The following ITPR1 variants were observed in gnomAD, a reference collection of about 807,000 sequenced individuals.
ITPR1 encodes the protein inositol 1,4,5-trisphosphate receptor type 1.
Under a neutral mutation model 318.4 loss-of-function variants are expected in ITPR1, and 96 were observed. The observed-to-expected ratio is 0.30, with a 90% CI of 0.26 to 0.36. ITPR1 has a LOEUF of 0.36. Among genes scored for constraint, ITPR1 ranks in the 10% least tolerant of loss-of-function variants. The pLI is 1.00. For missense variants in ITPR1, 2,440 were observed against 3,460.2 expected (o/e 0.71, Z 7.40); for synonymous variants, 1,312 against 1,289.9 (o/e 1.02, Z -0.37).
intron 23 of ITPR1, among the ~76,000 whole-genome samples, chr3:4,676,179 C>CAAAAAAA (rs5846331): frequency 7.4e-6 from 1 of 134,840 alleles, no homozygotes. Context: ...CTATCTCTAC[C>CAAAAAAA]AAAAAAAAAA....
At chr3:4,651,372 T>C (rs1446372377) in intron 10 of ITPR1, among the ~76,000 whole-genome samples, 2 of 152,192 alleles carry the variant, frequency 1.3e-5, no homozygotes, top group Non-Finnish European at 2.9e-5. Flanking sequence ...AACTTTGATC[T>C]GTCTCCTTAA....
In ITPR1 at chr3:4,516,505, T is replaced by C. The variant is rs1445104330; in HGVS notation, c.14T>C (p.Met5Thr). 1.3e-6 allele frequency: 2 copies of C among 1,582,110 alleles called. No homozygotes were observed. The highest frequency in any genetic ancestry group is 1.7e-6 in the Non-Finnish European group (2 of 1,164,750). ...TTCAAGAAAGACATGTCTGACAAAA[T>C]GTCTAGCTTCCTACATATTGGAGAC... MSDK[M>T]SSFLHIGDIC... Residue 5 changes from methionine to threonine, a missense_variant, in exon 3 of 62, where the codon ATG becomes ACG. Met to Thr is a moderately conservative substitution (Grantham distance 81, BLOSUM62 -1). Coordinates refer to ENST00000649015, the MANE Select transcript of ITPR1 (RefSeq NM_001378452.1).
At chr3:4,721,172 GTATATATATATATA>G (rs5846332) in intron 40 of ITPR1, among the ~76,000 whole-genome samples, 16 of 125,022 alleles carry the variant, frequency 1.3e-4, no homozygotes, top group South Asian at 2.5e-4. Context: ...GTGTGTGCGT[GTATATATATATATA>G]TATATATATA....
chr3:4,552,676 G>A (rs959869683), intron 4 of ITPR1, among the ~76,000 whole-genome samples: 1 of 152,170 alleles, frequency 6.6e-6, no homozygotes, highest in African/African-American at 2.4e-5. Context: ...ATGTAAGCAT[G>A]ATTGATTAAA....
intron 30 of ITPR1, among the ~76,000 whole-genome samples, chr3:4,687,480 A>G (rs1236563955): frequency 6.6e-6 from 1 of 152,120 alleles, no homozygotes; most frequent in Non-Finnish European, 1.5e-5. Context: ...GATCTGGGAT[A>G]AGAGTAGCGC....
intron 60 of ITPR1, among the ~76,000 whole-genome samples, chr3:4,833,731 T>A (rs2050681835): frequency 6.6e-6 from 1 of 152,196 alleles, no homozygotes; most frequent in Non-Finnish European, 1.5e-5. Context: ...GCCAGTGGCC[T>A]CTGTGAAATG....
chr3:4,758,127 G>T (rs1296833188), intron 44 of ITPR1, among the ~76,000 whole-genome samples: 1 of 152,180 alleles, frequency 6.6e-6, no homozygotes, highest in African/African-American at 2.4e-5. Flanking sequence ...TCTGCAGCAG[G>T]TAAGTGAGCA....
chr3:4,769,818 G>A (rs139439654), intron 46 of ITPR1, among the ~76,000 whole-genome samples: 7 of 152,354 alleles, frequency 4.6e-5, no homozygotes, highest in African/African-American at 1.4e-4. Flanking sequence ...TTTCCCAGCA[G>A]CAGGAGCTGT....
intron 44 of ITPR1, among the ~76,000 whole-genome samples, chr3:4,757,543 T>G (rs2045096755): frequency 6.6e-6 from 1 of 151,850 alleles, no homozygotes; most frequent in Non-Finnish European, 1.5e-5. Flanking sequence ...AGGGGAGAGG[T>G]GTTTAACAGA....
chr3:4,503,053 C>G lies in ITPR1; in HGVS notation c.-17+8547C>G, dbSNP rs550008441. Among the ~76,000 whole-genome samples, 4 of 150,818 alleles carry G rather than the reference C, an allele frequency of 2.7e-5. No homozygotes were observed. The East Asian group carries it at 5.8e-4, about 22-fold the overall frequency. ...TGAGCTGAGATCGCACCACTGCACT[C>G]CAGCCTGGGGGGCAGAGTGAGACTC... On this transcript the variant is annotated intron_variant, in intron 2 of 61. Transcript: ENST00000649015.
intron 6 of ITPR1, among the ~76,000 whole-genome samples, chr3:4,640,884 A>T (rs1253202803): frequency 6.6e-6 from 1 of 152,196 alleles, no homozygotes; most frequent in Non-Finnish European, 1.5e-5. Context: ...GCACCTAGAC[A>T]GATGTGTGCA....
At chr3:4,789,742 C>A (rs555152946) in intron 52 of ITPR1, among the ~76,000 whole-genome samples, 1 of 152,328 alleles carries the variant, frequency 6.6e-6, no homozygotes, top group East Asian at 1.9e-4. Context: ...GCCTTAGCCT[C>A]CTGAGTAGCT....
chr3:4,818,375 T>A lies in ITPR1; in HGVS notation c.8028+133T>A, dbSNP rs536319239. On this transcript the variant is annotated intron_variant, in intron 60 of 61. Transcript: ENST00000649015. ...ATGTTGCCTGAGCCCTTCTCACGGA[T>A]GGGGCGCTGTGCTCTGTGAACTTCG... The A allele has an allele frequency of 9.4e-6, 6 of 639,718 alleles. No individual in the cohort carries two copies. The South Asian group carries it at 2.1e-4, about 22-fold the overall frequency. The allele number at this position is 639,718 out of a possible 1,614,324, so 39.6% of individuals were successfully genotyped here. A position where few individuals can be genotyped will look rare whatever the true frequency, so the allele number is the denominator to read the frequency against.
intron 44 of ITPR1, among the ~76,000 whole-genome samples, chr3:4,745,231 G>T (rs1273787228): frequency 6.8e-6 from 1 of 147,630 alleles, no homozygotes; most frequent in Non-Finnish European, 1.5e-5. Context: ...AGACAGGGTT[G>T]TTTTTTAAAA....
chr3:4,726,677 G>A, intron 41 of ITPR1, among the ~76,000 whole-genome samples: 1 of 152,164 alleles, frequency 6.6e-6, no homozygotes, highest in Non-Finnish European at 1.5e-5. Context: ...TACTTGTGGG[G>A]TGGGGAAAGC....
rs191297603 is a variant in ITPR1, at chr3:4,570,828, A to G, written c.163+49734A>G. On this transcript the variant is annotated intron_variant, in intron 4 of 61. Transcript: ENST00000649015. The stretch of plus-strand genomic sequence containing the variant: ...ATCAAATCCAAGTGTGTTTTTATAT[A>G]TGATGCATCAGTTATCTTTGACACA... 5.8e-4 allele frequency among the ~76,000 whole-genome samples: 88 copies of G among 152,370 alleles called. No individual in the cohort carries two copies. In the East Asian group the frequency reaches 0.012, roughly 21 times the overall value.
At chr3:4,520,933 C>A in intron 3 of ITPR1, 91 bp from the exon 4 acceptor site, 1 of 930,448 alleles carries the variant, frequency 1.1e-6, no homozygotes, top group Non-Finnish European at 1.7e-6. Flanking sequence ...AAATGTTGCG[C>A]AGGAAAAGCC....
At chr3:4,531,816 T>A (rs1006686297) in intron 4 of ITPR1, among the ~76,000 whole-genome samples, 2 of 152,146 alleles carry the variant, frequency 1.3e-5, no homozygotes, top group Non-Finnish European at 2.9e-5. Flanking sequence ...TGGGGCACCT[T>A]TACTGAACCT....
chr3:4,508,464 T>TG (rs1367296128), intron 2 of ITPR1, among the ~76,000 whole-genome samples: 2 of 151,246 alleles, frequency 1.3e-5, no homozygotes, highest in East Asian at 3.9e-4. Context: ...GGTTTTTTTT[T>TG]TTTTTTTTTT....
Sources: gnomAD v4.1 joint callset for allele counts (sites outside exome capture counted in the v4.1 genomes callset) on GRCh38, gnomAD v4.1.1 for gene constraint, MANE v1.5 for transcripts, NCBI Gene and HGNC (gene_info 2026-07-23, HGNC 2026-07-21) for gene names.